Variants in HS3ST4 observed in about 807,000 individuals in gnomAD.
The protein encoded by HS3ST4 is heparan sulfate-glucosamine 3-sulfotransferase 4.
Under a neutral mutation model 29.2 loss-of-function variants are expected in HS3ST4, and 17 were observed. That is an observed-to-expected ratio of 0.58 (90% CI 0.40 to 0.87). HS3ST4 has a LOEUF of 0.87. Among genes scored for constraint, HS3ST4 ranks in the 40% least tolerant of loss-of-function variants. The probability of loss-of-function intolerance (pLI) is 0.00; values close to 1 mark genes in which losing one functional copy is unlikely to be tolerated. For synonymous variants in HS3ST4, 314 were observed against 285.7 expected, an observed-to-expected ratio of 1.10 and a Z score of -1.00; for missense variants, 627 against 634.5, an observed-to-expected ratio of 0.99 and a Z score of 0.13.
intron 1 of HS3ST4, among the ~76,000 whole-genome samples, chr16:25,841,713 T>G (rs1596587824): frequency 1.3e-5 from 2 of 152,280 alleles, no homozygotes; most frequent in Admixed American, 1.3e-4. Context: ...CCCGAGTAGG[T>G]CTCAATTGTC....
chr16:26,127,683 T>G (rs1466945218), intron 1 of HS3ST4, among the ~76,000 whole-genome samples: 1 of 152,188 alleles, frequency 6.6e-6, no homozygotes, highest in Non-Finnish European at 1.5e-5. Flanking sequence ...GGCAAGACAC[T>G]TAACTTCTCT....
intron 1 of HS3ST4, among the ~76,000 whole-genome samples, chr16:25,757,471 A>G (rs892607908): frequency 2.0e-5 from 3 of 151,834 alleles, no homozygotes; most frequent in Admixed American, 1.3e-4. Flanking sequence ...GAGAAAGTCT[A>G]TAGGCATCAT....
At chr16:25,719,005 G>A (rs959778830) in intron 1 of HS3ST4, among the ~76,000 whole-genome samples, 2 of 152,230 alleles carry the variant, frequency 1.3e-5, no homozygotes, top group African/African-American at 4.8e-5. Context: ...TTAAAAGGGA[G>A]GGAGTGATCA....
chr16:26,003,799 G>A (rs1171828723), intron 1 of HS3ST4, among the ~76,000 whole-genome samples: 1 of 152,116 alleles, frequency 6.6e-6, no homozygotes, highest in African/African-American at 2.4e-5. Flanking sequence ...TGGAGTCGGG[G>A]AAGTAGGAAT....
At chr16:26,085,391 A>G (rs1272388928) in intron 1 of HS3ST4, among the ~76,000 whole-genome samples, 1 of 152,238 alleles carries the variant, frequency 6.6e-6, no homozygotes, top group Admixed American at 6.5e-5. Context: ...GCAGTATCAT[A>G]GATTATTAGT....
chr16:26,104,281 G>A (rs77257924), intron 1 of HS3ST4, among the ~76,000 whole-genome samples: 4,178 of 152,230 alleles, frequency 0.027, 169 homozygotes, highest in African/African-American at 0.093. Context: ...CCCCCACTCC[G>A]TCAATTTATT....
chr16:25,729,598 T>G (rs1966557843), intron 1 of HS3ST4, among the ~76,000 whole-genome samples: 1 of 152,148 alleles, frequency 6.6e-6, no homozygotes, highest in Admixed American at 6.5e-5. Context: ...TGCCTTGTAT[T>G]GTAACAGACT....
chr16:25,719,656 T>C (rs1246654542), intron 1 of HS3ST4, among the ~76,000 whole-genome samples: 1 of 152,218 alleles, frequency 6.6e-6, no homozygotes, highest in African/African-American at 2.4e-5. Context: ...CTGGGCATCA[T>C]ATGCTAGCAT....
intron 1 of HS3ST4, among the ~76,000 whole-genome samples, chr16:26,016,084 C>G (rs990689722): frequency 6.6e-5 from 10 of 152,196 alleles, no homozygotes; most frequent in African/African-American, 2.4e-4. Flanking sequence ...GAAAAACTCT[C>G]TGTTAGAGTA....
At chr16:25,877,876 G>C (rs1467195798) in intron 1 of HS3ST4, among the ~76,000 whole-genome samples, 1 of 152,188 alleles carries the variant, frequency 6.6e-6, no homozygotes, top group Non-Finnish European at 1.5e-5. Flanking sequence ...GACATTTACT[G>C]TGCGCTAAGC....
At chr16:26,074,977 G>A (rs187381529) in intron 1 of HS3ST4, among the ~76,000 whole-genome samples, 93 of 152,226 alleles carry the variant, frequency 6.1e-4, no homozygotes, top group African/African-American at 2.1e-3. Flanking sequence ...GGTAGATCAC[G>A]AGGTCAAGAG....
intron 1 of HS3ST4, among the ~76,000 whole-genome samples, chr16:26,044,375 T>C (rs1898241702): frequency 6.6e-6 from 1 of 152,194 alleles, no homozygotes; most frequent in Non-Finnish European, 1.5e-5. Flanking sequence ...GGAGAAGGGC[T>C]GGTAGTGGAA....
chr16:26,016,904 C>T (rs976067572), intron 1 of HS3ST4, among the ~76,000 whole-genome samples: 1 of 152,120 alleles, frequency 6.6e-6, no homozygotes, highest in Non-Finnish European at 1.5e-5. Context: ...TTGACATTAT[C>T]CCTGGCTAAG....
At chr16:26,128,553 C>T (rs992999185) in intron 1 of HS3ST4, among the ~76,000 whole-genome samples, 5 of 152,164 alleles carry the variant, frequency 3.3e-5, no homozygotes, top group African/African-American at 1.2e-4. Context: ...TCTTGGGTTT[C>T]TATTTAAGAA....
chr16:25,745,174 A>G (rs1049110755), intron 1 of HS3ST4, among the ~76,000 whole-genome samples: 3 of 152,140 alleles, frequency 2.0e-5, no homozygotes, highest in Non-Finnish European at 2.9e-5. Context: ...GGGTAATTAC[A>G]TACCCAGATA....
At chr16:26,067,101 C>A (rs1327632687) in intron 1 of HS3ST4, among the ~76,000 whole-genome samples, 1 of 152,130 alleles carries the variant, frequency 6.6e-6, no homozygotes, top group Non-Finnish European at 1.5e-5. Context: ...ACTGGTTGCC[C>A]AGAGGGGTGG....
At chr16:25,875,963 T>G (rs561249104) in intron 1 of HS3ST4, among the ~76,000 whole-genome samples, 9 of 152,192 alleles carry the variant, frequency 5.9e-5, no homozygotes, top group Admixed American at 5.9e-4. Context: ...CTGCTTCTCT[T>G]GGGCTAATGT....
rs1449710447 is a variant in HS3ST4 at position 25,783,229 on chromosome 16, T to C, written c.734+90078T>C. On this transcript the variant is annotated intron_variant, in intron 1 of 1. Coordinates refer to ENST00000331351, the MANE Select transcript of HS3ST4 (RefSeq NM_006040.3). ...ATGTTTCTTTTCACCAATCTAATTA[T>C]CACTTTAACCATTGCTTTTATTTAT... Among the ~76,000 whole-genome samples the C allele has an allele frequency of 2.0e-5, 3 of 152,342 alleles. No individual in the cohort carries two copies. In the East Asian group the frequency reaches 5.8e-4, roughly 29 times the overall value.
chr16:26,008,001 A>G (rs1168069641), intron 1 of HS3ST4, among the ~76,000 whole-genome samples: 4 of 151,958 alleles, frequency 2.6e-5, no homozygotes, highest in Non-Finnish European at 5.9e-5. Flanking sequence ...ACTAGGTTCT[A>G]GTATAAGGGA....
Sources: gnomAD v4.1 joint callset for allele counts (sites outside exome capture counted in the v4.1 genomes callset) on GRCh38, gnomAD v4.1.1 for gene constraint, MANE v1.5 for transcripts, NCBI Gene and HGNC (gene_info 2026-07-23, HGNC 2026-07-21) for gene names.